NEK5: variants seen among roughly 807,000 people sequenced by gnomAD.
NEK5 encodes the protein NIMA related kinase 5.
In NEK5, 88 loss-of-function variants were observed where a neutral mutation model predicts 109.2. The ratio of observed to expected loss-of-function variants is 0.81; its 90% confidence interval spans 0.68 to 0.96. The LOEUF is 0.96. Ranked by LOEUF, NEK5 falls within the 40% of genes least tolerant of loss-of-function variation. NEK5 has a pLI of 0.00. For missense variants in NEK5, 834 were observed against 920.7 expected, an observed-to-expected ratio of 0.91 and a Z score of 1.22; for synonymous variants, 283 against 299.9, an observed-to-expected ratio of 0.94 and a Z score of 0.58.
intron 8 of NEK5, among the ~76,000 whole-genome samples, 191 bp downstream of exon 8, chr13:52,108,127 C>T (rs547547847): frequency 2.6e-5 from 4 of 152,178 alleles, no homozygotes; most frequent in African/African-American, 4.8e-5. Context: ...ATCTGCATCT[C>T]GTATTGGACC....
intron 22 of NEK5, among the ~76,000 whole-genome samples, chr13:52,056,036 C>A (rs566160107): frequency 6.7e-4 from 102 of 152,226 alleles, no homozygotes; most frequent in African/African-American, 2.4e-3. Flanking sequence ...CATCAGTGTG[C>A]TGTATTCAGG....
chr13:52,119,019 G>GT (rs1955918230), intron 4 of NEK5, among the ~76,000 whole-genome samples: 1 of 152,146 alleles, frequency 6.6e-6, no homozygotes, highest in Non-Finnish European at 1.5e-5. Context: ...GTGTCTTATT[G>GT]TAAGTCACTT....
At chr13:52,045,865 G>A (rs1954454514) in intron 23 of NEK5, among the ~76,000 whole-genome samples, 1 of 151,374 alleles carries the variant, frequency 6.6e-6, no homozygotes, top group African/African-American at 2.4e-5. Context: ...GAGGTCAGGG[G>A]TTTGAGACCA....
intron 23 of NEK5, among the ~76,000 whole-genome samples, chr13:52,043,536 C>CAAA (rs559454334): frequency 3.9e-5 from 2 of 51,276 alleles, no homozygotes; most frequent in Non-Finnish European, 7.9e-5. Context: ...GACTCCATCT[C>CAAA]AAAAAAAAAA....
At chr13:52,063,546 G>A (rs1223094926) in intron 21 of NEK5, among the ~76,000 whole-genome samples, 6 of 150,778 alleles carry the variant, frequency 4.0e-5, no homozygotes, top group Non-Finnish European at 7.4e-5. Context: ...CGTCTGGGAC[G>A]TGAGGAGCCC....
intron 17 of NEK5, among the ~76,000 whole-genome samples, chr13:52,078,253 T>C (rs1954903809): frequency 6.6e-6 from 1 of 152,226 alleles, no homozygotes; most frequent in African/African-American, 2.4e-5. Context: ...ATGTGCAACA[T>C]AGATAAATCT....
Position 52,093,237 on chromosome 13 carries a change from T to G in NEK5, c.1027-2A>C. The stretch of plus-strand genomic sequence containing the variant: ...TTTGGGTCTTTCTATCATTTTTATC[T>G]GAAGAAAACAAGAGGGGATGTTTTT... On this transcript the variant is annotated splice_acceptor_variant, in intron 12 of 23. Transcript: ENST00000684899. LOFTEE classifies it high-confidence loss of function. The G allele has an allele frequency of 1.2e-6, 2 of 1,607,584 alleles. No homozygotes were observed. The highest frequency in any genetic ancestry group is 1.7e-6 in the Non-Finnish European group (2 of 1,174,408).
intron 16 of NEK5, among the ~76,000 whole-genome samples, chr13:52,084,762 A>AGAGAGAGAGTGT (rs1228944662): frequency 2.1e-5 from 1 of 47,384 alleles, no homozygotes; most frequent in African/African-American, 7.4e-5. Flanking sequence ...AGAGAGAGAG[A>AGAGAGAGAGTGT]GTGTGTGTGT....
At chr13:52,078,986 G>C (rs1954919606) in intron 17 of NEK5, among the ~76,000 whole-genome samples, 2 of 152,216 alleles carry the variant, frequency 1.3e-5, no homozygotes, top group Admixed American at 1.3e-4. Flanking sequence ...ACTACTGCAA[G>C]GCAGAAAAAC....
rs527362752 is a variant in NEK5, at chr13:52,100,710, T to TA, written c.893-835dup. ...GCAACACAGTGAGACCCCATCTCAA[T>TA]AAAAAAAAAATTGTTCTTGTTCTCC... On this transcript the variant is annotated intron_variant, in intron 11 of 23. Transcript: ENST00000684899. Among the ~76,000 whole-genome samples, 120 of 148,674 alleles carry TA rather than the reference T, an allele frequency of 8.1e-4. 1 individual carries two copies. The South Asian group carries it at 0.011, about 14-fold the overall frequency.
intron 3 of NEK5, among the ~76,000 whole-genome samples, chr13:52,126,702 C>A (rs1371422134): frequency 2.6e-5 from 4 of 152,172 alleles, no homozygotes; most frequent in Admixed American, 6.5e-5. Context: ...TTGCTTGAAT[C>A]CCGGAGGTGG....
In NEK5 at chr13:52,041,728, C is replaced by CAAAAAAA. The variant is rs60216367; in HGVS notation, c.2229-4517_2229-4511dup. Among the ~76,000 whole-genome samples the CAAAAAAA allele has an allele frequency of 7.3e-4, 35 of 48,116 alleles. 1 individual carries two copies. Among genetic ancestry groups the CAAAAAAA allele is most frequent in the African/African-American group, 3.4e-3 (35 of 10,424 alleles). The allele number at this position is 48,116 out of a possible 152,430, so 31.6% of individuals were successfully genotyped here. ...GGGCAACAAGAGCGAAACTCTGTCT[C>CAAAAAAA]AAAAAAAAAAAAAAAAAAAAAAAAA... is the stretch of plus-strand genomic sequence containing the variant. On this transcript the variant is annotated intron_variant, in intron 23 of 23. Coordinates refer to ENST00000684899, the MANE Select transcript of NEK5 (RefSeq NM_001365552.1).
rs1253565481 is a variant in NEK5, at chr13:52,058,826, G to A, written c.2110+2993C>T. On this transcript the variant is annotated intron_variant, in intron 22 of 23. Transcript: ENST00000684899. The stretch of plus-strand genomic sequence containing the variant: ...TTCAAGATGGATTAAAGACTTAAAC[G>A]TTAGACCTAAAACCATAAAAACCAT... Among the ~76,000 whole-genome samples, 14 of 152,234 alleles carry A rather than the reference G, an allele frequency of 9.2e-5. No homozygotes were observed. The East Asian group carries it at 1.7e-3, about 19-fold the overall frequency.
intron 22 of NEK5, among the ~76,000 whole-genome samples, chr13:52,058,472 C>CA (rs1461623725): frequency 1.3e-4 from 19 of 148,424 alleles, no homozygotes; most frequent in Middle Eastern, 3.4e-3. Flanking sequence ...CATATGGAAC[C>CA]AAAAAAGAGC....
Position 52,034,984 on chromosome 13 carries a change from A to G in NEK5, c.*1964T>C, listed in dbSNP as rs1954347473. 1 of 149,378 alleles carries G rather than the reference A, an allele frequency of 6.7e-6. No homozygotes were observed. The highest frequency in any genetic ancestry group is 1.5e-5 in the Non-Finnish European group (1 of 67,656). The allele number at this position is 149,378 out of a possible 1,614,324, so 9.3% of individuals were successfully genotyped here. A position where few individuals can be genotyped will look rare whatever the true frequency, so the allele number is the denominator to read the frequency against. The stretch of plus-strand genomic sequence containing the variant: ...CTTGCTTTCAAATACAGTTCAGAAT[A>G]AGGATTACATGAAGTCACTAGCAGT... On this transcript the variant is annotated 3_prime_UTR_variant, in exon 24 of 24. Transcript: ENST00000684899.
chr13:52,080,997 A>AC (rs1328163549), intron 17 of NEK5, among the ~76,000 whole-genome samples: 1 of 150,930 alleles, frequency 6.6e-6, no homozygotes, highest in East Asian at 1.9e-4. Flanking sequence ...TTAAAAAAAA[A>AC]AAAGGTAATC....
chr13:52,043,175 G>GA (rs903088776), intron 23 of NEK5, among the ~76,000 whole-genome samples: 3 of 151,148 alleles, frequency 2.0e-5, no homozygotes, highest in African/African-American at 7.3e-5. Flanking sequence ...GCATTAATAG[G>GA]AAAAAAAAGT....
chr13:52,040,521 G>A (rs536957929), intron 23 of NEK5, among the ~76,000 whole-genome samples: 113 of 152,188 alleles, frequency 7.4e-4, no homozygotes, highest in African/African-American at 2.5e-3. Flanking sequence ...GCTCTTTACC[G>A]AGGGACTATA....
intron 22 of NEK5, among the ~76,000 whole-genome samples, chr13:52,053,398 A>G (rs1954525269): frequency 6.6e-6 from 1 of 152,184 alleles, no homozygotes; most frequent in Admixed American, 6.5e-5. Flanking sequence ...GTGTATGTTT[A>G]TATGTATCAT....
Sources: allele counts gnomAD v4.1 joint callset (sites outside exome capture counted in the v4.1 genomes callset), GRCh38; gene constraint gnomAD v4.1.1; transcripts MANE v1.5; gene names NCBI Gene and HGNC (gene_info 2026-07-23, HGNC 2026-07-21).